The following CCDC3 variants were observed in gnomAD, a reference collection of about 807,000 sequenced individuals.
CCDC3 encodes the protein coiled-coil domain containing 3.
A neutral mutation model predicts 21.4 loss-of-function variants in CCDC3; 24 were observed. The observed-to-expected ratio is 1.12, with a 90% CI of 0.81 to 1.58. CCDC3 has a LOEUF of 1.58. Ranked by LOEUF, CCDC3 falls within the 40% of genes most tolerant of loss-of-function variation. The pLI, the probability that CCDC3 is intolerant of heterozygous loss-of-function variation, is 0.00. For missense variants in CCDC3, 425 were observed against 360.9 expected, an observed-to-expected ratio of 1.18 and a Z score of -1.44; for synonymous variants, 186 against 166.0, an observed-to-expected ratio of 1.12 and a Z score of -0.93.
chr10:13,055,179 G>A (rs1475097410), intron 4 of CCDC3, among the ~76,000 whole-genome samples: 3 of 152,176 alleles, frequency 2.0e-5, no homozygotes, highest in African/African-American at 7.2e-5. Flanking sequence ...TCCTCCACAG[G>A]GTACAGGGAC....
chr10:12,994,758 C>T (rs1376016526), intron 2 of CCDC3, among the ~76,000 whole-genome samples: 1 of 151,942 alleles, frequency 6.6e-6, no homozygotes, highest in Non-Finnish European at 1.5e-5. Context: ...AAAAGAAACG[C>T]TTAAAGTTTT....
At chr10:13,064,428 A>G (rs1836799221) in intron 4 of CCDC3, among the ~76,000 whole-genome samples, 1 of 152,144 alleles carries the variant, frequency 6.6e-6, no homozygotes, top group South Asian at 2.1e-4. Flanking sequence ...GGTCTCAGTT[A>G]ATTTAGAAAG....
At chr10:12,958,446 T>C (rs1835128046) in intron 2 of CCDC3, among the ~76,000 whole-genome samples, 1 of 152,140 alleles carries the variant, frequency 6.6e-6, no homozygotes, top group Admixed American at 6.5e-5. Context: ...CAGGAGATGA[T>C]AGACCCCCTC....
intron 2 of CCDC3, among the ~76,000 whole-genome samples, chr10:12,987,840 C>T (rs544979292): frequency 5.1e-4 from 77 of 152,226 alleles, no homozygotes; most frequent in Admixed American, 4.4e-3. Flanking sequence ...CACAGGAGAG[C>T]GCCCCTTCCA....
At chr10:13,030,568 C>T (rs912959437) in intron 5 of CCDC3, among the ~76,000 whole-genome samples, 7 of 151,962 alleles carry the variant, frequency 4.6e-5, no homozygotes, top group East Asian at 1.9e-4. Flanking sequence ...AGACTCAAGA[C>T]CCATCAGTGT....
intron 2 of CCDC3, among the ~76,000 whole-genome samples, chr10:12,989,991 G>A (rs1365674621): frequency 6.6e-6 from 1 of 151,590 alleles, no homozygotes; most frequent in African/African-American, 2.4e-5. Context: ...AGTGGCTCAC[G>A]CCTGTAATAC....
At chr10:13,036,342 T>G (rs1836377396) in intron 5 of CCDC3, among the ~76,000 whole-genome samples, 2 of 152,204 alleles carry the variant, frequency 1.3e-5, no homozygotes, top group African/African-American at 4.8e-5. Flanking sequence ...TGCTATATAT[T>G]TTTTAAAACT....
intron 2 of CCDC3, among the ~76,000 whole-genome samples, chr10:12,977,916 A>G (rs1431092086): frequency 6.6e-6 from 1 of 152,126 alleles, no homozygotes; most frequent in Non-Finnish European, 1.5e-5. Flanking sequence ...AAGGACCAGA[A>G]CTCAGGCCCG....
intron 4 of CCDC3, among the ~76,000 whole-genome samples, chr10:13,061,323 G>A (rs1398045472): frequency 1.8e-4 from 27 of 152,202 alleles, no homozygotes; most frequent in Admixed American, 1.8e-3. Context: ...AGTGTGGGAA[G>A]CAGTTCTGTA....
intron 2 of CCDC3, among the ~76,000 whole-genome samples, chr10:12,993,740 C>T (rs143573644): frequency 3.3e-5 from 5 of 152,218 alleles, no homozygotes; most frequent in East Asian, 3.9e-4. Flanking sequence ...ACCAGAGAGG[C>T]GGTGAACACG....
chr10:13,015,115 G>A (rs186795654), intron 5 of CCDC3, among the ~76,000 whole-genome samples: 1 of 152,178 alleles, frequency 6.6e-6, no homozygotes, highest in East Asian at 1.9e-4. Context: ...TGAGCTGTAG[G>A]CCCATGATGG....
chr10:12,982,057 G>C (rs1343271483), intron 2 of CCDC3, among the ~76,000 whole-genome samples: 2 of 139,478 alleles, frequency 1.4e-5, no homozygotes, highest in Non-Finnish European at 3.1e-5. Context: ...GGGAGGCAGA[G>C]GTTGCAGTGA....
chr10:13,051,249 A>C (rs1365528256), intron 4 of CCDC3, among the ~76,000 whole-genome samples: 4 of 152,134 alleles, frequency 2.6e-5, no homozygotes, highest in Non-Finnish European at 5.9e-5. Context: ...AGGAAGAGGG[A>C]TTACTTCTCA....
chr10:13,071,785 C>A (rs1836885361), intron 4 of CCDC3, among the ~76,000 whole-genome samples: 1 of 152,144 alleles, frequency 6.6e-6, no homozygotes, highest in South Asian at 2.1e-4. Context: ...GGTAGCCATT[C>A]ATCTTCAGTC....
chr10:12,897,349 G>C lies in CCDC3; in HGVS notation c.*1067C>G, dbSNP rs1020522245. On this transcript the variant is annotated 3_prime_UTR_variant, in exon 3 of 3. Transcript: ENST00000378825. ...TCCAGAAAGGTGAAGTGCTTTGGTG[G>C]TGTAAGGAACTGACGTAAGGACAAG... The C allele has an allele frequency of 3.9e-5, 6 of 152,238 alleles. No homozygotes were observed. The highest frequency in any genetic ancestry group is 1.3e-4 in the Admixed American group (2 of 15,282). The allele number at this position is 152,238 out of a possible 1,614,324, so 9.4% of individuals were successfully genotyped here.
chr10:13,058,933 A>C (rs1836717433), intron 4 of CCDC3, among the ~76,000 whole-genome samples: 1 of 152,152 alleles, frequency 6.6e-6, no homozygotes, highest in Non-Finnish European at 1.5e-5. Context: ...ATTGCTTCAC[A>C]TACACTATCT....
rs1836772203 is a variant in CCDC3 at position 13,062,698 on chromosome 10, CAGACCTCCT to C, written c.-270+11161_-270+11169del. On this transcript the variant is annotated intron_variant, in intron 4 of 6. Transcript: ENST00000378839. Reference sequence around the variant, plus strand: ...AAGATGGTAACAGCCCTTTCCCAAGCAGACCTCCTTTTTGCTTGGGGACTAGATTGCCTT... The same window carrying C: ...AAGATGGTAACAGCCCTTTCCCAAGCTTTTGCTTGGGGACTAGATTGCCTT... 7.9e-5 allele frequency among the ~76,000 whole-genome samples: 12 copies of C among 152,284 alleles called. No individual in the cohort carries two copies. The South Asian group carries it at 2.5e-3, about 32-fold the overall frequency.
At chr10:12,996,576 T>TC (rs779468798) in intron 2 of CCDC3, among the ~76,000 whole-genome samples, 4 of 152,162 alleles carry the variant, frequency 2.6e-5, no homozygotes, top group Admixed American at 6.5e-5. Context: ...CCTCAGGTGA[T>TC]CCCCCCACCT....
At chr10:13,055,470 C>G (rs1011286174) in intron 4 of CCDC3, among the ~76,000 whole-genome samples, 3 of 151,542 alleles carry the variant, frequency 2.0e-5, no homozygotes, top group African/African-American at 7.3e-5. Context: ...GCTGGGACTA[C>G]AGGCATGCAC....
Sources: gnomAD v4.1 joint callset for allele counts (sites outside exome capture counted in the v4.1 genomes callset) on GRCh38, gnomAD v4.1.1 for gene constraint, MANE v1.5 for transcripts, NCBI Gene and HGNC (gene_info 2026-07-23, HGNC 2026-07-21) for gene names.